The following POP1 variants were observed in gnomAD, a reference collection of about 807,000 sequenced individuals.
The protein encoded by POP1 is POP1 ribonuclease P/MRP subunit.
A neutral mutation model predicts 102.2 loss-of-function variants in POP1; 75 were observed. The observed-to-expected ratio is 0.73, with a 90% CI of 0.61 to 0.89. The LOEUF is 0.89. Among genes scored for constraint, POP1 ranks in the 40% least tolerant of loss-of-function variants. The pLI, the probability that POP1 is intolerant of heterozygous loss-of-function variation, is 0.00. For synonymous variants in POP1, 436 were observed against 464.1 expected (o/e 0.94, Z 0.78); for missense variants, 1,116 against 1,267.4 (o/e 0.88, Z 1.81).
intron 12 of POP1, among the ~76,000 whole-genome samples, chr8:98,148,409 A>G (rs890726764): frequency 2.6e-5 from 4 of 152,194 alleles, no homozygotes; most frequent in African/African-American, 9.7e-5. Flanking sequence ...CTGATGAGCA[A>G]TTTTCTCAAG....
At chr8:98,139,293 G>GA (rs927771172) in intron 9 of POP1, among the ~76,000 whole-genome samples, 11 of 152,226 alleles carry the variant, frequency 7.2e-5, no homozygotes, top group African/African-American at 2.4e-4. Context: ...GTTCCATGTG[G>GA]AAAAAATATA....
chr8:98,138,564 C>A (rs1206542906), intron 9 of POP1, among the ~76,000 whole-genome samples: 1 of 152,198 alleles, frequency 6.6e-6, no homozygotes, highest in African/African-American at 2.4e-5. Flanking sequence ...GAGCATCTTG[C>A]AAATTCCCTC....
chr8:98,133,078 G>T (rs1816429501), intron 5 of POP1, among the ~76,000 whole-genome samples: 2 of 141,044 alleles, frequency 1.4e-5, no homozygotes, highest in Admixed American at 7.3e-5. Flanking sequence ...AAAGCTGGGT[G>T]TGGTGGCTCG....
rs765570863 is a variant in POP1, at chr8:98,134,033, A to G, written c.820A>G (p.Thr274Ala). The change falls in exon 6 of 16, where the codon ACA becomes GCA. Residue 274 changes from threonine to alanine, a missense_variant. Transcript: ENST00000401707. ...KALSGMCNID[T>A]GLTFAAVHCL... is the part of the protein sequence containing the mutation. The stretch of plus-strand genomic sequence containing the variant: ...GCTTTCTGGAATGTGTAACATAGAC[A>G]CAGGTAAACTTGTTTTAAAGCTGAG... 2 of 1,603,676 alleles carry G rather than the reference A, an allele frequency of 1.2e-6. No individual in the cohort carries two copies. The highest frequency in any genetic ancestry group is 1.7e-6 in the Non-Finnish European group (2 of 1,170,582).
rs1809709945 is a variant in POP1, at chr8:98,158,224, C to T, written c.3028C>T (p.Pro1010Ser). Residue 1010 changes from proline to serine, a missense_variant, in exon 16 of 16, where the codon CCC becomes TCC. By Grantham distance (74) the Pro-to-Ser change is moderately conservative. Transcript: ENST00000401707. Reference protein sequence around the residue: ...AQRGLVLLRPPASLQYRFARI... With the variant: ...AQRGLVLLRPSASLQYRFARI... ...GAGGGGCTTAGTGCTACTGAGGCCT[C>T]CCGCCTCTCTGCAGTATCGATTTGC... 6.2e-7 allele frequency: 1 copy of T among 1,611,832 alleles called. No individual in the cohort carries two copies. The highest frequency in any genetic ancestry group is 1.7e-5 in the Admixed American group (1 of 60,004).
chr8:98,130,501 G>A (rs17765119), intron 5 of POP1, among the ~76,000 whole-genome samples: 3,695 of 151,498 alleles, frequency 0.024, 69 homozygotes, highest in Middle Eastern at 0.058. Context: ...ACTGGAAGGC[G>A]TCCCCCAGAA....
In POP1 at chr8:98,117,354, T is replaced by C; in HGVS notation, c.-39T>C. ...CGGTGGGTACTGTCGCGGAGGCTTG[T>C]CATTCTGACCCGGGGATTCCTCACA... On this transcript the variant is annotated 5_prime_UTR_variant, in exon 1 of 16. Coordinates refer to ENST00000401707, the MANE Select transcript of POP1 (RefSeq NM_001145860.2). 2 of 513,416 alleles carry C rather than the reference T, an allele frequency of 3.9e-6. No individual in the cohort carries two copies. The allele number at this position is 513,416 out of a possible 1,614,324, so 31.8% of individuals were successfully genotyped here.
Position 98,156,255 on chromosome 8 carries a change from C to G in POP1, c.2263C>G (p.Pro755Ala). 1 of 1,614,024 alleles carries G rather than the reference C, an allele frequency of 6.2e-7. No homozygotes were observed. Among genetic ancestry groups the G allele is most frequent in the Non-Finnish European group, 8.5e-7 (1 of 1,179,980 alleles). Residue 755 changes from proline to alanine, a missense_variant, in exon 15 of 16, where the codon CCA becomes GCA. By Grantham distance (27) the Pro-to-Ala change is conservative (BLOSUM62 -1). Coordinates refer to ENST00000401707, the MANE Select transcript of POP1 (RefSeq NM_001145860.2). ...CAPMPKKTHQ[P>A]SDEVGTSIEH... ...TCCCATGCCTAAAAAAACTCATCAG[C>G]CATCTGATGAAGTGGGCACATCCAT... is the stretch of plus-strand genomic sequence containing the variant.
At position 98,140,750 on chromosome 8, in the gene POP1, C is replaced by T; in HGVS notation, c.1475-19C>T. On this transcript the variant is annotated intron_variant, in intron 10 of 15. Transcript: ENST00000401707. ...ATTATGAATGACTTTCTGTAAACTT[C>T]TTTTTGTTGTTGTTAAAGGAATAAC... The T allele has an allele frequency of 2.5e-6, 4 of 1,613,028 alleles. No individual in the cohort carries two copies. Among genetic ancestry groups the T allele is most frequent in the Non-Finnish European group, 3.4e-6 (4 of 1,179,060 alleles).
chr8:98,147,107 A>G (rs1809377264), intron 12 of POP1, among the ~76,000 whole-genome samples: 1 of 152,122 alleles, frequency 6.6e-6, no homozygotes, highest in Non-Finnish European at 1.5e-5. Context: ...TAATTTTACT[A>G]TGACTGGGGA....
Position 98,129,996 on chromosome 8 carries a change from C to T in POP1, c.505C>T (p.Gln169Ter), listed in dbSNP as rs748243723. 6.2e-7 allele frequency: 1 copy of T among 1,613,936 alleles called. No homozygotes were observed. The highest frequency in any genetic ancestry group is 8.5e-7 in the Non-Finnish European group (1 of 1,179,894). ...AQKEAEKAVH[Q>*]KKEHSKNKCH... ...ACTATAGGCGGAGAAAGCCGTACAT[C>T]AGAAAAAAGAACATTCAAAAAATAA... Residue 169 changes from glutamine (Q) to a stop codon, truncating the protein, a stop_gained, in exon 5 of 16, where the codon CAG becomes TAG. Transcript: ENST00000401707. LOFTEE classifies it high-confidence loss of function.
intron 9 of POP1, among the ~76,000 whole-genome samples, 167 bp downstream of exon 9, chr8:98,137,121 A>C (rs1432749616): frequency 1.3e-5 from 2 of 152,156 alleles, no homozygotes; most frequent in African/African-American, 4.8e-5. Flanking sequence ...CACTTCTCCT[A>C]GAAGACCACA....
At chr8:98,130,568 G>A (rs1445801490) in intron 5 of POP1, among the ~76,000 whole-genome samples, 1 of 152,076 alleles carries the variant, frequency 6.6e-6, no homozygotes, top group Non-Finnish European at 1.5e-5. Context: ...GAAGGCAGAA[G>A]GAAGCCAGGT....
intron 14 of POP1, 147 bp downstream of exon 14, chr8:98,150,786 A>G (rs1263124317): frequency 1.2e-6 from 1 of 835,548 alleles, no homozygotes; most frequent in Admixed American, 2.7e-5. Flanking sequence ...TTAAGAAGAT[A>G]TTACTTAAGT....
intron 11 of POP1, among the ~76,000 whole-genome samples, chr8:98,146,286 T>C (rs1816840779): frequency 6.6e-6 from 1 of 152,238 alleles, no homozygotes; most frequent in South Asian, 2.1e-4. Context: ...TTATCTTACA[T>C]GTGGAATTAG....
chr8:98,136,789 G>C (rs199934199), intron 8 of POP1, 51 bp downstream of exon 8: 12 of 1,609,748 alleles, frequency 7.5e-6, no homozygotes, highest in Non-Finnish European at 9.4e-6. Flanking sequence ...GTGAAGACCT[G>C]CTCCATTTTT....
intron 1 of POP1, among the ~76,000 whole-genome samples, chr8:98,119,688 C>T (rs1213396064): frequency 6.6e-6 from 1 of 152,070 alleles, no homozygotes; most frequent in Non-Finnish European, 1.5e-5. Flanking sequence ...AAGCGATCTT[C>T]CCACTTCAGC....
Position 98,148,696 on chromosome 8 carries a change from G to A in POP1, c.1711-119G>A, listed in dbSNP as rs146220822. ...TGGCTCACATTTATTTATTTAGAAC[G>A]TTTTTCTCTTGCTTTTTTAAAAGAG... On this transcript the variant is annotated intron_variant, in intron 12 of 15. Transcript: ENST00000401707. The A allele has an allele frequency of 2.3e-5, 20 of 870,690 alleles. No homozygotes were observed. The East Asian group carries it at 2.9e-4, about 13-fold the overall frequency. 53.9% of individuals were successfully genotyped at this position (870,690 alleles called of 1,614,324 possible). A position where few individuals can be genotyped will look rare whatever the true frequency, so the allele number is the denominator to read the frequency against.
chr8:98,127,583 A>G lies in POP1; in HGVS notation c.143-12A>G. 5 of 1,614,088 alleles carry G rather than the reference A, an allele frequency of 3.1e-6. No homozygotes were observed. Among genetic ancestry groups the G allele is most frequent in the Non-Finnish European group, 3.4e-6 (4 of 1,179,954 alleles). On this transcript the variant is annotated splice_polypyrimidine_tract_variant and intron_variant, in intron 2 of 15. Coordinates refer to ENST00000401707, the MANE Select transcript of POP1 (RefSeq NM_001145860.2). ...GATAAAGGTGACATGTTTCTTTTTG[A>G]AAATATACTAGAGCCTCATCCTGGA...
Sources: allele counts gnomAD v4.1 joint callset (sites outside exome capture counted in the v4.1 genomes callset), GRCh38; gene constraint gnomAD v4.1.1; transcripts MANE v1.5; gene names NCBI Gene and HGNC (gene_info 2026-07-23, HGNC 2026-07-21).